Variants in RIC1 observed in about 807,000 individuals in gnomAD.
The protein encoded by RIC1 is RIC1 partner of RAB6A GEF complex.
A neutral mutation model predicts 169.0 loss-of-function variants in RIC1; 88 were observed. That is an observed-to-expected ratio of 0.52 (90% CI 0.44 to 0.62). The LOEUF is 0.62. Ranked by LOEUF, RIC1 falls within the 20% of genes least tolerant of loss-of-function variation. The probability of loss-of-function intolerance (pLI) is 0.00; values close to 1 mark genes in which losing one functional copy is unlikely to be tolerated. For missense variants in RIC1, 1,877 were observed against 1,725.5 expected, an observed-to-expected ratio of 1.09 and a Z score of -1.56; for synonymous variants, 790 against 601.5, an observed-to-expected ratio of 1.31 and a Z score of -4.59.
At chr9:5,754,531 C>G (rs1411196533) in intron 14 of RIC1, among the ~76,000 whole-genome samples, 1 of 152,090 alleles carries the variant, frequency 6.6e-6, no homozygotes, top group Non-Finnish European at 1.5e-5. Flanking sequence ...GAGTCCAAGA[C>G]CAGCCTGGCC....
At chr9:5,696,352 T>C (rs1404314592) in intron 3 of RIC1, among the ~76,000 whole-genome samples, 3 of 152,160 alleles carry the variant, frequency 2.0e-5, no homozygotes, top group Admixed American at 1.3e-4. Flanking sequence ...CCACAATTCC[T>C]ATTTAATGCC....
At chr9:5,758,722 C>CTTTTTTTTTTTTTTTTTTTTTTCCTTTT (rs754931692) in intron 17 of RIC1, among the ~76,000 whole-genome samples, 19 of 98,424 alleles carry the variant, frequency 1.9e-4, no homozygotes, top group African/African-American at 6.0e-4. Flanking sequence ...GGTCTCCCTT[C>CTTTTTTTTTTTTTTTTTTTTTTCCTTTT]TTTTTTTTTT....
chr9:5,753,529 TA>T lies in RIC1; in HGVS notation c.1492-4del. 2.6e-6 allele frequency: 4 copies of T among 1,547,834 alleles called. No homozygotes were observed. The highest frequency in any genetic ancestry group is 1.2e-5 in the South Asian group (1 of 84,140). ...AAGGAAAAGTTCTTATTTTTTTTTT[TA>T]AACAGTTTTCAGCTATTGATAAGCT... On this transcript the variant is annotated splice_polypyrimidine_tract_variant and splice_region_variant and intron_variant, in intron 13 of 25. Transcript: ENST00000414202.
chr9:5,777,303 C>G (rs1277412533), downstream of RIC1, among the ~76,000 whole-genome samples: 1 of 150,260 alleles, frequency 6.7e-6, no homozygotes, highest in Non-Finnish European at 1.5e-5. Flanking sequence ...TTTCAATATT[C>G]AAGTTTTTTT....
At chr9:5,762,989 T>A in intron 18 of RIC1, 151 bp from the exon 19 acceptor site, 1 of 975,572 alleles carries the variant, frequency 1.0e-6, no homozygotes, top group East Asian at 2.6e-5. Context: ...CCAGGATACT[T>A]TTATTAACTC....
intron 2 of RIC1, among the ~76,000 whole-genome samples, chr9:5,681,847 T>A (rs1419331768): frequency 6.6e-6 from 1 of 152,218 alleles, no homozygotes; most frequent in Non-Finnish European, 1.5e-5. Context: ...TGCTCCTGTA[T>A]TGGGTGCATA....
At chr9:5,765,840 G>C in intron 21 of RIC1, 42 bp downstream of exon 21, 1 of 1,603,450 alleles carries the variant, frequency 6.2e-7, no homozygotes, top group Non-Finnish European at 8.5e-7. Flanking sequence ...GGGCATTCAT[G>C]ACACATTGCA....
At chr9:5,657,977 T>C (rs10815257) in intron 2 of RIC1, among the ~76,000 whole-genome samples, 14,328 of 152,208 alleles carry the variant, frequency 0.094, 830 homozygotes, top group East Asian at 0.27. Context: ...CAAGCTACAA[T>C]AGCAGATTGA....
Position 5,720,758 on chromosome 9 carries a change from T to C in RIC1, c.720+8T>C. On this transcript the variant is annotated splice_region_variant and intron_variant, in intron 6 of 25. Coordinates refer to ENST00000414202, the MANE Select transcript of RIC1 (RefSeq NM_020829.4). ...AGTAGATTTACTGCAGAGGTATGAC[T>C]TATTTACTTTGAAGGGTTTTTTGTT... The C allele has an allele frequency of 6.3e-7, 1 of 1,581,680 alleles. No homozygotes were observed.
intron 6 of RIC1, among the ~76,000 whole-genome samples, chr9:5,728,671 C>T (rs1824160817): frequency 6.6e-6 from 1 of 152,180 alleles, no homozygotes; most frequent in Non-Finnish European, 1.5e-5. Context: ...ATCTTGGAAC[C>T]TCCCATTTCA....
chr9:5,643,015 T>G (rs1348685829), intron 1 of RIC1, among the ~76,000 whole-genome samples: 4 of 152,172 alleles, frequency 2.6e-5, no homozygotes, highest in Non-Finnish European at 5.9e-5. Context: ...AACAATTTTA[T>G]AAGTCTGGGC....
intron 2 of RIC1, among the ~76,000 whole-genome samples, chr9:5,666,931 C>T (rs1381651158): frequency 6.6e-6 from 1 of 152,130 alleles, no homozygotes; most frequent in Admixed American, 6.5e-5. Context: ...GTTATTTATG[C>T]AAAATTACTG....
intron 1 of RIC1, among the ~76,000 whole-genome samples, chr9:5,637,575 C>G (rs1042212287): frequency 4.6e-5 from 7 of 151,908 alleles, no homozygotes; most frequent in Non-Finnish European, 1.0e-4. Context: ...TTTTTTGTAC[C>G]CATTAGCCGT....
rs1488579378 is a variant in RIC1, at chr9:5,763,435, C to T, written c.2408C>T (p.Thr803Ile). The T allele has an allele frequency of 6.2e-7, 1 of 1,614,152 alleles. No homozygotes were observed. Among genetic ancestry groups the T allele is most frequent in the East Asian group, 2.2e-5 (1 of 44,876 alleles). ...NDTLLYDSLY[T>I]RNNAREQLEV... is the part of the protein sequence containing the mutation. The stretch of plus-strand genomic sequence containing the variant: ...ACTTTGCTCTATGATTCTTTATATA[C>T]TCGGAACAATGCTAGAGAACAGCTG... Residue 803 changes from threonine (T) to isoleucine (I), a missense_variant, in exon 19 of 26, where the codon ACT (threonine) becomes ATT (isoleucine). Thr to Ile is a moderately conservative substitution (Grantham distance 89). Transcript: ENST00000414202. The surrounding 1 kb of genome is among the most constrained non-coding windows in gnomAD (Gnocchi z 5.2).
intron 3 of RIC1, among the ~76,000 whole-genome samples, chr9:5,709,804 A>G (rs956815295): frequency 1.4e-4 from 22 of 152,198 alleles, no homozygotes; most frequent in Non-Finnish European, 2.6e-4. Context: ...GGAAGACAGG[A>G]TGGAAACTTT....
intron 7 of RIC1, among the ~76,000 whole-genome samples, chr9:5,735,061 A>G (rs185641421): frequency 1.8e-3 from 281 of 152,298 alleles, no homozygotes; most frequent in African/African-American, 6.4e-3. Context: ...AGATTCATTA[A>G]TAATATTTGG....
intron 1 of RIC1, among the ~76,000 whole-genome samples, chr9:5,638,089 A>G (rs895316665): frequency 1.3e-5 from 2 of 152,224 alleles, no homozygotes; most frequent in Non-Finnish European, 2.9e-5. Flanking sequence ...CTTTTTCAGC[A>G]TCAGTTGAAA....
rs190479398 is a variant in RIC1, at chr9:5,734,453, T to C, written c.812+1974T>C. Among the ~76,000 whole-genome samples the C allele has an allele frequency of 8.5e-5, 13 of 152,296 alleles. No individual in the cohort carries two copies. The East Asian group carries it at 1.3e-3, about 16-fold the overall frequency. The stretch of plus-strand genomic sequence containing the variant: ...GATTCAGATTTTGTATCTCTTCCTA[T>C]GTCATTTTGGCAAGTTGCATTTTTT... On this transcript the variant is annotated intron_variant, in intron 7 of 25. Coordinates refer to ENST00000414202, the MANE Select transcript of RIC1 (RefSeq NM_020829.4).
At chr9:5,644,644 A>G (rs544904334) in intron 1 of RIC1, among the ~76,000 whole-genome samples, 22 of 152,282 alleles carry the variant, frequency 1.4e-4, no homozygotes, top group African/African-American at 4.8e-4. Flanking sequence ...CCGCATTTCT[A>G]TCTCCATTCA....
Sources: gnomAD v4.1 joint callset for allele counts (sites outside exome capture counted in the v4.1 genomes callset) on GRCh38, gnomAD v4.1.1 for gene constraint, Gnocchi (gnomAD v3.1) non-coding constraint, MANE v1.5 for transcripts, NCBI Gene and HGNC (gene_info 2026-07-23, HGNC 2026-07-21) for gene names.